Variants in GRIK3 observed in about 807,000 individuals in gnomAD.
GRIK3 encodes glutamate receptor ionotropic, kainate 3.
In GRIK3, 29 loss-of-function variants were observed where a neutral mutation model predicts 102.5. That is an observed-to-expected ratio of 0.28 (90% CI 0.21 to 0.39). GRIK3 has a LOEUF of 0.39. GRIK3 is among the 10% of genes least tolerant of loss of function. The pLI, the probability that GRIK3 is intolerant of heterozygous loss-of-function variation, is 1.00. For synonymous variants in GRIK3, 511 were observed against 504.9 expected, an observed-to-expected ratio of 1.01 and a Z score of -0.16; for missense variants, 908 against 1,252.4, an observed-to-expected ratio of 0.73 and a Z score of 4.15.
chr1:36,940,644 C>T (rs1285893933), intron 1 of GRIK3, among the ~76,000 whole-genome samples: 2 of 152,198 alleles, frequency 1.3e-5, no homozygotes, highest in Non-Finnish European at 2.9e-5. Context: ...GGGGCACTGC[C>T]CAGCATCTGA....
intron 1 of GRIK3, among the ~76,000 whole-genome samples, chr1:36,942,536 C>T (rs945991883): frequency 6.6e-6 from 1 of 152,112 alleles, no homozygotes; most frequent in African/African-American, 2.4e-5. Flanking sequence ...CCCTTGCCTG[C>T]AGCTGGAGGG....
At position 36,999,734 on chromosome 1, in the gene GRIK3, C is replaced by G. The variant is rs145262604; in HGVS notation, c.115+34260G>C. On this transcript the variant is annotated intron_variant, in intron 1 of 15. Coordinates refer to ENST00000373091, the MANE Select transcript of GRIK3 (RefSeq NM_000831.4). ...CCCTTGTGGGGGTGACATATCCCAGCTGTTTCAGGTCTTTGCTTAAACAGT... is the reference window on the plus strand; with the variant it reads ...CCCTTGTGGGGGTGACATATCCCAGGTGTTTCAGGTCTTTGCTTAAACAGT... 4.6e-5 allele frequency among the ~76,000 whole-genome samples: 7 copies of G among 152,318 alleles called. No homozygotes were observed. The East Asian group carries it at 7.7e-4, about 17-fold the overall frequency.
intron 1 of GRIK3, among the ~76,000 whole-genome samples, chr1:36,907,583 C>T (rs1017132058): frequency 3.3e-5 from 5 of 151,948 alleles, no homozygotes; most frequent in South Asian, 2.1e-4. Flanking sequence ...GGACAAGAGG[C>T]GAGATGAGAG....
chr1:37,016,168 A>G (rs1445496816), intron 1 of GRIK3, among the ~76,000 whole-genome samples: 2 of 152,220 alleles, frequency 1.3e-5, no homozygotes, highest in East Asian at 3.9e-4. Flanking sequence ...TCTGGAATTC[A>G]AGTTGACTTG....
At chr1:36,887,906 A>G (rs1046127774) in intron 2 of GRIK3, among the ~76,000 whole-genome samples, 2 of 152,172 alleles carry the variant, frequency 1.3e-5, no homozygotes, top group Non-Finnish European at 2.9e-5. Flanking sequence ...AACTGACTTT[A>G]CCAAGTGCTA....
chr1:37,001,727 G>A (rs189597693), intron 1 of GRIK3, among the ~76,000 whole-genome samples: 5 of 152,324 alleles, frequency 3.3e-5, no homozygotes, highest in Admixed American at 1.3e-4. Flanking sequence ...GGCAAAACCT[G>A]AGATAAAGAT....
At chr1:36,973,449 T>C (rs1231046194) in intron 1 of GRIK3, among the ~76,000 whole-genome samples, 2 of 139,756 alleles carry the variant, frequency 1.4e-5, no homozygotes, top group Non-Finnish European at 3.1e-5. Context: ...AGACAGAATC[T>C]CGCTTTGTCA....
chr1:36,902,990 A>G (rs1391455256), intron 1 of GRIK3, among the ~76,000 whole-genome samples: 2 of 152,112 alleles, frequency 1.3e-5, no homozygotes, highest in African/African-American at 4.8e-5. Context: ...GGGTTTCCCC[A>G]TCTTGGCCAG....
At chr1:36,805,467 C>G (rs558162224) in intron 14 of GRIK3, among the ~76,000 whole-genome samples, 36 of 152,294 alleles carry the variant, frequency 2.4e-4, no homozygotes, top group African/African-American at 8.4e-4. Context: ...CCTGTGGGCT[C>G]CCTGAAGTCC....
intron 1 of GRIK3, among the ~76,000 whole-genome samples, chr1:36,920,202 G>C (rs979320556): frequency 5.3e-5 from 8 of 152,234 alleles, no homozygotes; most frequent in Admixed American, 2.6e-4. Context: ...AGAGGGACCA[G>C]AGTCTAGTGA....
chr1:36,953,023 A>C (rs1348026194), intron 1 of GRIK3, among the ~76,000 whole-genome samples: 1 of 152,244 alleles, frequency 6.6e-6, no homozygotes, highest in Non-Finnish European at 1.5e-5. Flanking sequence ...AGGCTGACCC[A>C]GGACTACTTG....
chr1:36,804,991 T>C lies in GRIK3; in HGVS notation c.2561A>G (p.Glu854Gly), dbSNP rs1642482670. The C allele has an allele frequency of 1.9e-6, 3 of 1,614,098 alleles. No homozygotes were observed. The highest frequency in any genetic ancestry group is 1.7e-6 in the Non-Finnish European group (2 of 1,179,970). ...VYKLRKTAER[E>G]QRSFCSTVAD... Reference sequence around the variant, plus strand: ...GCTCCAAGCTCTAAGGCTTACCTGCTCTCTCTCTGCTGTTTTGCGGAGCTT... The same window carrying C: ...GCTCCAAGCTCTAAGGCTTACCTGCCCTCTCTCTGCTGTTTTGCGGAGCTT... The change falls in exon 15 of 16, where the codon GAG becomes GGG. Residue 854 changes from glutamate to glycine, a missense_variant. By Grantham distance (98) the Glu-to-Gly change is moderately conservative. Transcript: ENST00000373091.
intron 10 of GRIK3, among the ~76,000 whole-genome samples, chr1:36,837,185 A>T (rs1001690948): frequency 6.6e-6 from 1 of 151,904 alleles, no homozygotes; most frequent in African/African-American, 2.4e-5. Flanking sequence ...TCCCTGCAGG[A>T]TGTGCTGATG....
chr1:36,935,990 CT>C (rs1037906082), intron 1 of GRIK3, among the ~76,000 whole-genome samples: 1 of 152,186 alleles, frequency 6.6e-6, no homozygotes, highest in African/African-American at 2.4e-5. Context: ...CTTAAACATG[CT>C]GTCCTAGATA....
chr1:36,944,879 G>C (rs550326106), intron 1 of GRIK3, among the ~76,000 whole-genome samples: 1 of 152,356 alleles, frequency 6.6e-6, no homozygotes, highest in Admixed American at 6.5e-5. Context: ...CACAGGAAGA[G>C]TCTAGCGAAC....
At chr1:36,921,908 C>A (rs1500787) in intron 1 of GRIK3, among the ~76,000 whole-genome samples, 126,862 of 152,054 alleles carry the variant, frequency 0.83, 53,546 homozygotes, top group Admixed American at 0.9. Context: ...CCAGTGGCTC[C>A]TTCCCTCCCA....
intron 15 of GRIK3, 121 bp from the exon 16 acceptor site, chr1:36,802,166 C>G (rs1489516212): frequency 1.6e-6 from 1 of 642,878 alleles, no homozygotes; most frequent in East Asian, 2.9e-5. Context: ...GTCTTTCTCA[C>G]ACCTTCACCC....
At chr1:36,942,526 C>T (rs1641735246) in intron 1 of GRIK3, among the ~76,000 whole-genome samples, 2 of 152,118 alleles carry the variant, frequency 1.3e-5, no homozygotes, top group South Asian at 4.1e-4. Flanking sequence ...GGAGGCTGTT[C>T]CCTTGCCTGC....
intron 1 of GRIK3, among the ~76,000 whole-genome samples, chr1:36,982,193 G>T (rs1353708566): frequency 6.6e-6 from 1 of 152,210 alleles, no homozygotes; most frequent in Non-Finnish European, 1.5e-5. Flanking sequence ...AAACTGGGTG[G>T]GAGGGAGGAG....
Sources: allele counts gnomAD v4.1 joint callset (sites outside exome capture counted in the v4.1 genomes callset), GRCh38; gene constraint gnomAD v4.1.1; transcripts MANE v1.5; gene names NCBI Gene and HGNC (gene_info 2026-07-23, HGNC 2026-07-21).